Variants in MED27 observed in about 807,000 individuals in gnomAD.
The protein encoded by MED27 is mediator complex subunit 27.
A neutral mutation model predicts 38.2 loss-of-function variants in MED27; 30 were observed. The observed-to-expected ratio is 0.79, with a 90% CI of 0.59 to 1.07. MED27 has a LOEUF of 1.07. Ranked by LOEUF, MED27 falls within the 50% of genes least tolerant of loss-of-function variation. The probability of loss-of-function intolerance (pLI) is 0.00; values close to 1 mark genes in which losing one functional copy is unlikely to be tolerated. For missense variants in MED27, 289 were observed against 397.5 expected (o/e 0.73, Z 2.32); for synonymous variants, 122 against 153.5 (o/e 0.79, Z 1.52).
chr9:132,032,861 A>G (rs1252307042), intron 2 of MED27, among the ~76,000 whole-genome samples: 1 of 152,146 alleles, frequency 6.6e-6, no homozygotes, highest in Non-Finnish European at 1.5e-5. Context: ...CGCGCTCCAC[A>G]CTAAGCCTCT....
In MED27 at chr9:131,889,337, T is replaced by C. The variant is rs1381110779; in HGVS notation, c.681+4548A>G. On this transcript the variant is annotated intron_variant, in intron 5 of 7. Coordinates refer to ENST00000292035, the MANE Select transcript of MED27 (RefSeq NM_004269.4). The surrounding 1 kb of genome is among the most constrained non-coding windows in gnomAD (Gnocchi z 4.2). ...ATTGATATGGGGTAATTAATGAAGC[T>C]ATAGCATTAACATAACCTAAATCCC... Among the ~76,000 whole-genome samples the C allele has an allele frequency of 2.6e-5, 4 of 152,220 alleles. No individual in the cohort carries two copies. The highest frequency in any genetic ancestry group is 4.4e-5 in the Non-Finnish European group (3 of 68,040).
intron 6 of MED27, among the ~76,000 whole-genome samples, chr9:131,867,574 C>T (rs991070540): frequency 5.9e-5 from 9 of 152,216 alleles, no homozygotes; most frequent in Admixed American, 6.5e-5. Flanking sequence ...ACAGCAAGTT[C>T]GAGCTGCGGC....
intron 3 of MED27, among the ~76,000 whole-genome samples, chr9:131,942,079 C>A (rs1830798140): frequency 6.6e-6 from 1 of 152,100 alleles, no homozygotes; most frequent in Non-Finnish European, 1.5e-5. Context: ...CCCACCTTGG[C>A]TTCCCAAAGT....
At chr9:132,042,821 T>C (rs893706393) in intron 2 of MED27, among the ~76,000 whole-genome samples, 4 of 152,222 alleles carry the variant, frequency 2.6e-5, no homozygotes, top group African/African-American at 9.7e-5. Flanking sequence ...CTAGCCATCT[T>C]TCAAGATAGG....
At chr9:132,027,919 T>C (rs1409688400) in intron 2 of MED27, among the ~76,000 whole-genome samples, 1 of 152,176 alleles carries the variant, frequency 6.6e-6, no homozygotes, top group Non-Finnish European at 1.5e-5. Flanking sequence ...GTGAGTGTAC[T>C]GGGCACAGCA....
At chr9:132,037,183 A>G (rs1833097104) in intron 2 of MED27, among the ~76,000 whole-genome samples, 1 of 152,212 alleles carries the variant, frequency 6.6e-6, no homozygotes, top group Non-Finnish European at 1.5e-5. Context: ...TCACGCTCAC[A>G]GACCCCTCCG....
chr9:132,065,129 C>A (rs1286716627), intron 2 of MED27, among the ~76,000 whole-genome samples: 1 of 152,186 alleles, frequency 6.6e-6, no homozygotes. Flanking sequence ...AGAATTAGCA[C>A]ACTGGTAGCA....
chr9:132,045,351 T>C (rs1324547816), intron 2 of MED27, among the ~76,000 whole-genome samples: 1 of 152,018 alleles, frequency 6.6e-6, no homozygotes, highest in Non-Finnish European at 1.5e-5. Context: ...TACATACATA[T>C]GATTTGTATG....
intron 3 of MED27, among the ~76,000 whole-genome samples, chr9:131,944,457 T>C (rs891484783): frequency 3.9e-5 from 6 of 152,134 alleles, no homozygotes; most frequent in Non-Finnish European, 7.3e-5. Context: ...AACTAAAGGC[T>C]TTCTGGGGTC....
At chr9:132,002,690 T>A (rs932533489) in intron 3 of MED27, among the ~76,000 whole-genome samples, 1 of 152,016 alleles carries the variant, frequency 6.6e-6, no homozygotes. Flanking sequence ...GGCAAGCGGA[T>A]CACTTGAGGT....
At chr9:131,902,013 C>T (rs1211996505) in intron 4 of MED27, among the ~76,000 whole-genome samples, 1 of 152,158 alleles carries the variant, frequency 6.6e-6, no homozygotes, top group African/African-American at 2.4e-5. Context: ...CACATCCATG[C>T]AAATCACAAG....
At chr9:132,035,837 C>T (rs1010191296) in intron 2 of MED27, among the ~76,000 whole-genome samples, 10 of 152,206 alleles carry the variant, frequency 6.6e-5, no homozygotes, top group Admixed American at 1.3e-4. Context: ...TGATGGCAGA[C>T]ACCTTTAGTC....
intron 4 of MED27, among the ~76,000 whole-genome samples, chr9:131,925,778 G>A (rs975762454): frequency 6.6e-6 from 1 of 152,186 alleles, no homozygotes; most frequent in Non-Finnish European, 1.5e-5. Flanking sequence ...CAGCTCCTGC[G>A]GGGGCGGTGG....
rs1001701875 is a variant in MED27, at chr9:131,872,630, T to G, written c.724-9490A>C. ...CGAATGGCCTGGGGGGCCTCTTCCC[T>G]GCTGGCCCTCGGTAGAAGAGCGTGG... On this transcript the variant is annotated intron_variant, in intron 6 of 7. Coordinates refer to ENST00000292035, the MANE Select transcript of MED27 (RefSeq NM_004269.4). This position sits in a 1 kb window ranked among gnomAD's most constrained non-coding sequence, Gnocchi z 5.6. 1.3e-5 allele frequency among the ~76,000 whole-genome samples: 2 copies of G among 152,194 alleles called. No individual in the cohort carries two copies. The highest frequency in any genetic ancestry group is 4.8e-5 in the African/African-American group (2 of 41,432).
chr9:132,006,084 G>C (rs1168345821), intron 3 of MED27, among the ~76,000 whole-genome samples: 1 of 152,150 alleles, frequency 6.6e-6, no homozygotes, highest in African/African-American at 2.4e-5. Context: ...ATACTTGCCA[G>C]TAGGGGAAAG....
intron 3 of MED27, among the ~76,000 whole-genome samples, chr9:131,967,664 TA>T (rs1831378266): frequency 6.6e-6 from 1 of 150,430 alleles, no homozygotes; most frequent in African/African-American, 2.4e-5. Context: ...GCTAATTTTG[TA>T]TTTTTTTTTT....
intron 3 of MED27, 34 bp downstream of exon 3, chr9:132,014,303 A>C (rs1305611500): frequency 6.3e-7 from 1 of 1,588,158 alleles, no homozygotes; most frequent in African/African-American, 1.4e-5. Context: ...AAGTTCACCC[A>C]GTACTAAAGT....
chr9:131,963,308 G>A (rs762468666), intron 3 of MED27, among the ~76,000 whole-genome samples: 1 of 152,106 alleles, frequency 6.6e-6, no homozygotes, highest in Non-Finnish European at 1.5e-5. Flanking sequence ...CCTGAGGTTA[G>A]CATTTCTGAA....
Position 131,982,331 on chromosome 9 carries a change from G to A in MED27, c.479+32006C>T, listed in dbSNP as rs930464166. Among the ~76,000 whole-genome samples the A allele has an allele frequency of 5.3e-5, 8 of 152,136 alleles. No individual in the cohort carries two copies. Among genetic ancestry groups the A allele is most frequent in the Non-Finnish European group, 1.0e-4 (7 of 68,016 alleles). ...TGCAGAGGCCACACGGAGAGGGAGG[G>A]GCTCTGAGGCTACAGGGAAAGAGAA... On this transcript the variant is annotated intron_variant, in intron 3 of 7. Coordinates refer to ENST00000292035, the MANE Select transcript of MED27 (RefSeq NM_004269.4). This position sits in a 1 kb window ranked among gnomAD's most constrained non-coding sequence, Gnocchi z 4.3.
Sources: allele counts gnomAD v4.1 joint callset (sites outside exome capture counted in the v4.1 genomes callset), GRCh38; gene constraint gnomAD v4.1.1; non-coding constraint Gnocchi (gnomAD v3.1); transcripts MANE v1.5; gene names NCBI Gene and HGNC (gene_info 2026-07-23, HGNC 2026-07-21).